Variants in CSMD1 observed in about 807,000 individuals in gnomAD.
CSMD1 encodes CUB and sushi domain-containing protein 1.
CSMD1 carries 213 observed loss-of-function variants against 417.5 expected under a neutral mutation model. The observed-to-expected ratio is 0.51, with a 90% CI of 0.46 to 0.57. The LOEUF (loss-of-function observed/expected upper bound fraction) is 0.57. CSMD1 is among the 20% of genes least tolerant of loss of function. The pLI, the probability that CSMD1 is intolerant of heterozygous loss-of-function variation, is 0.00. For missense variants in CSMD1, 6,923 were observed against 4,529.7 expected (o/e 1.53, Z -15.17); for synonymous variants, 2,862 against 1,736.8 (o/e 1.65, Z -16.11).
chr8:3,280,756 GT>G (rs1802672263), intron 26 of CSMD1, among the ~76,000 whole-genome samples: 1 of 147,186 alleles, frequency 6.8e-6, no homozygotes, highest in Non-Finnish European at 1.5e-5. Context: ...AACTTTCATG[GT>G]GTCTTCATGC....
At chr8:4,480,124 T>G (rs535058671) in intron 2 of CSMD1, among the ~76,000 whole-genome samples, 5 of 151,652 alleles carry the variant, frequency 3.3e-5, no homozygotes, top group Non-Finnish European at 7.4e-5. Context: ...TGTTCTGTGC[T>G]GTTTCATTGA....
At chr8:3,702,585 C>A (rs555267564) in intron 7 of CSMD1, among the ~76,000 whole-genome samples, 1 of 152,284 alleles carries the variant, frequency 6.6e-6, no homozygotes, top group Non-Finnish European at 1.5e-5. Flanking sequence ...AATCCCAGCA[C>A]TTTGGGAGGC....
At chr8:3,042,278 C>G (rs181781494) in intron 50 of CSMD1, among the ~76,000 whole-genome samples, 23 of 152,080 alleles carry the variant, frequency 1.5e-4, no homozygotes, top group African/African-American at 5.3e-4. Context: ...CACAGAGACT[C>G]GTGCATCTCC....
intron 2 of CSMD1, among the ~76,000 whole-genome samples, chr8:4,610,782 A>G (rs1441606688): frequency 6.6e-6 from 1 of 152,190 alleles, no homozygotes; most frequent in Non-Finnish European, 1.5e-5. Context: ...AACATGGTTG[A>G]TATTGCCTTT....
intron 3 of CSMD1, among the ~76,000 whole-genome samples, chr8:4,186,550 AT>A (rs1476303429): frequency 6.6e-6 from 1 of 152,232 alleles, no homozygotes; most frequent in Non-Finnish European, 1.5e-5. Context: ...TTATACGAAT[AT>A]AAAAGACGAA....
At chr8:4,634,936 G>A (rs768740762) in intron 2 of CSMD1, among the ~76,000 whole-genome samples, 47 of 152,184 alleles carry the variant, frequency 3.1e-4, no homozygotes, top group South Asian at 4.1e-4. Context: ...TACTCTAAAC[G>A]GTTCCCAAAG....
chr8:4,746,464 T>A (rs1450307016), intron 1 of CSMD1, among the ~76,000 whole-genome samples: 1 of 152,184 alleles, frequency 6.6e-6, no homozygotes, highest in Non-Finnish European at 1.5e-5. Flanking sequence ...AATATCAGGC[T>A]CCCTCAAGAA....
At chr8:3,261,128 T>C (rs563758577) in intron 26 of CSMD1, among the ~76,000 whole-genome samples, 1 of 152,338 alleles carries the variant, frequency 6.6e-6, no homozygotes, top group East Asian at 1.9e-4. Context: ...TGCATCCTTA[T>C]AAGCACACTT....
intron 7 of CSMD1, among the ~76,000 whole-genome samples, chr8:3,621,674 C>T (rs1042467420): frequency 6.6e-6 from 1 of 151,856 alleles, no homozygotes; most frequent in Non-Finnish European, 1.5e-5. Flanking sequence ...CTCACTGCAG[C>T]CTTCGTCTTC....
chr8:4,305,912 A>G (rs1381724949), intron 3 of CSMD1, among the ~76,000 whole-genome samples: 3 of 152,168 alleles, frequency 2.0e-5, no homozygotes, highest in African/African-American at 7.2e-5. Context: ...CAGAATGTTT[A>G]CCATTCTATA....
rs1349030230 is a variant in CSMD1, at chr8:3,324,204, TAGAC to T, written c.3632-15705_3632-15702del. Among the ~76,000 whole-genome samples, 74 of 118,452 alleles carry T rather than the reference TAGAC, an allele frequency of 6.2e-4. 2 individuals are homozygous for T. The highest frequency in any genetic ancestry group is 2.5e-3 in the African/African-American group (70 of 27,584). 77.7% of individuals were successfully genotyped at this position (118,452 alleles called of 152,430 possible). A position where few individuals can be genotyped will look rare whatever the true frequency, so the allele number is the denominator to read the frequency against. Reference sequence around the variant, plus strand: ...ACCCCACCTTTCATTGTTGTTAAAATAGACACACACCCAACCCCAGAGACCCGGG... The same window carrying T: ...ACCCCACCTTTCATTGTTGTTAAAATACACACCCAACCCCAGAGACCCGGG... On this transcript the variant is annotated intron_variant, in intron 23 of 69. Transcript: ENST00000635120.
intron 3 of CSMD1, among the ~76,000 whole-genome samples, chr8:4,097,246 G>A (rs528364835): frequency 6.6e-6 from 1 of 152,172 alleles, no homozygotes; most frequent in East Asian, 1.9e-4. Context: ...GTAGTACAAA[G>A]AACTGGAAAT....
chr8:3,025,268 G>A (rs561901104), intron 51 of CSMD1, among the ~76,000 whole-genome samples: 3 of 151,756 alleles, frequency 2.0e-5, no homozygotes, highest in Admixed American at 2.0e-4. Context: ...TTCTGAAACT[G>A]TGTATTGTGT....
intron 1 of CSMD1, among the ~76,000 whole-genome samples, chr8:4,700,629 A>G (rs1253197615): frequency 6.6e-6 from 1 of 152,176 alleles, no homozygotes; most frequent in Non-Finnish European, 1.5e-5. Context: ...AACTGACTCA[A>G]TCTATCACAA....
chr8:4,740,077 G>T (rs1810508194), intron 1 of CSMD1, among the ~76,000 whole-genome samples: 1 of 152,030 alleles, frequency 6.6e-6, no homozygotes, highest in Non-Finnish European at 1.5e-5. Context: ...ACTCCAAGCA[G>T]AATCTGATGG....
chr8:4,785,247 T>C (rs993082856), intron 1 of CSMD1, among the ~76,000 whole-genome samples: 3 of 152,132 alleles, frequency 2.0e-5, no homozygotes, highest in African/African-American at 7.2e-5. Flanking sequence ...AGAGCAGTCA[T>C]GAGGAGGTGA....
intron 1 of CSMD1, among the ~76,000 whole-genome samples, chr8:4,721,603 T>A (rs543422976): frequency 1.3e-5 from 2 of 152,296 alleles, no homozygotes; most frequent in Admixed American, 6.5e-5. Context: ...TGTGCACTGT[T>A]TGTGTGAATA....
intron 2 of CSMD1, among the ~76,000 whole-genome samples, chr8:4,494,707 A>C (rs1801892641): frequency 1.3e-5 from 2 of 152,166 alleles, no homozygotes; most frequent in Admixed American, 1.3e-4. Flanking sequence ...TTTGAATTCC[A>C]GTCAGTTGGG....
intron 2 of CSMD1, among the ~76,000 whole-genome samples, chr8:4,522,555 A>C (rs955990725): frequency 6.6e-6 from 1 of 152,224 alleles, no homozygotes; most frequent in African/African-American, 2.4e-5. Context: ...CACATAACTG[A>C]TAATTCTGTT....
Sources: allele counts gnomAD v4.1 joint callset (sites outside exome capture counted in the v4.1 genomes callset), GRCh38; gene constraint gnomAD v4.1.1; transcripts MANE v1.5; gene names NCBI Gene and HGNC (gene_info 2026-07-23, HGNC 2026-07-21).